The following RABL3 variants were observed in gnomAD, a reference collection of about 807,000 sequenced individuals.
RABL3 encodes the protein rab-like protein 3.
Under a neutral mutation model 31.8 loss-of-function variants are expected in RABL3, and 31 were observed. The observed-to-expected ratio is 0.97, with a 90% CI of 0.73 to 1.31. RABL3 has a LOEUF of 1.31. Among genes scored for constraint, RABL3 ranks in the 40% most tolerant of loss-of-function variants. The pLI is 0.00. For missense variants in RABL3, 263 were observed against 279.6 expected (o/e 0.94, Z 0.42); for synonymous variants, 97 against 99.9 (o/e 0.97, Z 0.18).
intron 2 of RABL3, among the ~76,000 whole-genome samples, chr3:120,727,067 T>TA (rs1007643671): frequency 1.3e-5 from 2 of 151,500 alleles, no homozygotes; most frequent in African/African-American, 2.4e-5. Flanking sequence ...CTTAGAGCTC[T>TA]AAAAAAAAGT....
At chr3:120,742,384 G>A (rs888587325) in intron 1 of RABL3, 78 bp downstream of exon 1, 6 of 1,378,434 alleles carry the variant, frequency 4.4e-6, no homozygotes, top group Non-Finnish European at 6.2e-6. Flanking sequence ...CCAGGAAGTT[G>A]AGGGAAGGAA....
intron 4 of RABL3, among the ~76,000 whole-genome samples, chr3:120,704,130 C>T (rs930807357): frequency 2.0e-5 from 3 of 152,214 alleles, no homozygotes; most frequent in Non-Finnish European, 4.4e-5. Flanking sequence ...CAATGCCTGT[C>T]ATGAACATGG....
intron 6 of RABL3, among the ~76,000 whole-genome samples, chr3:120,691,336 G>C (rs143651190): frequency 0.017 from 2,606 of 152,306 alleles, 29 homozygotes; most frequent in Non-Finnish European, 0.027. Flanking sequence ...AATGGTCTCT[G>C]ATTTAGGATG....
chr3:120,715,554 A>AATG (rs1708659406), intron 2 of RABL3, among the ~76,000 whole-genome samples: 1 of 152,078 alleles, frequency 6.6e-6, no homozygotes, highest in Non-Finnish European at 1.5e-5. Flanking sequence ...TAATAATAAT[A>AATG]ATAAATAAAA....
chr3:120,716,093 G>T (rs1652835448), intron 2 of RABL3, among the ~76,000 whole-genome samples: 1 of 152,066 alleles, frequency 6.6e-6, no homozygotes, highest in Admixed American at 6.5e-5. Context: ...GTCCAAAGAG[G>T]AATTCAATAA....
intron 2 of RABL3, among the ~76,000 whole-genome samples, chr3:120,720,091 C>T (rs1346687390): frequency 1.3e-5 from 2 of 152,204 alleles, no homozygotes; most frequent in African/African-American, 4.8e-5. Context: ...GAGCGGACCT[C>T]CAGCAAACTC....
At position 120,728,608 on chromosome 3, in the gene RABL3, C is replaced by T. The variant is rs563079149; in HGVS notation, c.138+2088G>A. Among the ~76,000 whole-genome samples the T allele has an allele frequency of 6.2e-4, 95 of 152,002 alleles. 2 individuals are homozygous for T. The highest frequency in any genetic ancestry group is 8.3e-4 in the South Asian group (4 of 4,818). On this transcript the variant is annotated intron_variant, in intron 2 of 7. Transcript: ENST00000273375. ...AGGAGATATACCTAATGCTAAATGA[C>T]GAGTTAATGGGTGCAGCACACTAGC... is the stretch of plus-strand genomic sequence containing the variant.
At chr3:120,736,667 G>C (rs1198847671) in intron 1 of RABL3, among the ~76,000 whole-genome samples, 3 of 151,754 alleles carry the variant, frequency 2.0e-5, no homozygotes, top group Admixed American at 6.6e-5. Flanking sequence ...GCAGTGGCTG[G>C]TACCAGTTGT....
At chr3:120,724,312 A>T (rs1041909300) in intron 2 of RABL3, among the ~76,000 whole-genome samples, 9 of 152,298 alleles carry the variant, frequency 5.9e-5, no homozygotes, top group African/African-American at 9.6e-5. Flanking sequence ...ACACAAACAA[A>T]TGGAAGAACA....
rs1708636928 is a variant in RABL3, at chr3:120,713,789, G to A, written c.139-3880C>T. Among the ~76,000 whole-genome samples the A allele has an allele frequency of 2.0e-5, 3 of 147,976 alleles. No homozygotes were observed. In the Admixed American group the frequency reaches 2.0e-4, roughly 10 times the overall value. On this transcript the variant is annotated intron_variant, in intron 2 of 7. Transcript: ENST00000273375. ...CATAAGGTTTTGTTTCATTTGAAGAGTTCATTCATTGTCTGTAACTTTTTT... is the reference window on the plus strand; with the variant it reads ...CATAAGGTTTTGTTTCATTTGAAGAATTCATTCATTGTCTGTAACTTTTTT...
intron 2 of RABL3, among the ~76,000 whole-genome samples, chr3:120,724,021 A>T (rs1322871355): frequency 3.9e-5 from 6 of 152,238 alleles, no homozygotes; most frequent in African/African-American, 1.4e-4. Flanking sequence ...CCCTGTTTGC[A>T]GATGACATGA....
At chr3:120,697,334 G>C (rs1040986676) in intron 5 of RABL3, among the ~76,000 whole-genome samples, 2 of 152,214 alleles carry the variant, frequency 1.3e-5, no homozygotes, top group African/African-American at 4.8e-5. Context: ...TCTTTAAAAA[G>C]AGGATAGTAA....
At chr3:120,742,356 C>T in intron 1 of RABL3, 106 bp downstream of exon 1, 1 of 1,074,036 alleles carries the variant, frequency 9.3e-7, no homozygotes, top group Non-Finnish European at 1.4e-6. Flanking sequence ...GGAGGGACTT[C>T]AGCCACGGGC....
intron 2 of RABL3, among the ~76,000 whole-genome samples, chr3:120,721,641 A>G (rs1708743139): frequency 6.6e-6 from 1 of 152,234 alleles, no homozygotes; most frequent in Non-Finnish European, 1.5e-5. Flanking sequence ...TCCTAAACAT[A>G]TATGCACCCA....
At chr3:120,690,258 A>G (rs1708364308) in intron 7 of RABL3, among the ~76,000 whole-genome samples, 191 bp downstream of exon 7, 1 of 152,070 alleles carries the variant, frequency 6.6e-6, no homozygotes, top group South Asian at 2.1e-4. Context: ...CCTAGATTAT[A>G]TTTGTTTCCT....
chr3:120,721,224 C>T (rs1394966565), intron 2 of RABL3, among the ~76,000 whole-genome samples: 1 of 152,148 alleles, frequency 6.6e-6, no homozygotes, highest in African/African-American at 2.4e-5. Context: ...CCAGCCACTG[C>T]AAAAACATGC....
intron 2 of RABL3, among the ~76,000 whole-genome samples, chr3:120,720,677 G>A (rs1708728280): frequency 3.3e-5 from 5 of 152,150 alleles, no homozygotes; most frequent in Admixed American, 2.0e-4. Flanking sequence ...AAGAAATATG[G>A]GACTACGTGA....
Position 120,689,792 on chromosome 3 carries a change from C to T in RABL3, c.*31G>A, listed in dbSNP as rs1708357780. On this transcript the variant is annotated 3_prime_UTR_variant, in exon 8 of 8. Transcript: ENST00000273375. ...GATGAGCTGTGAAAAACTGCCACTG[C>T]TTGCTCACTCTTCCAAAGGATGAGT... 6.6e-7 allele frequency: 1 copy of T among 1,506,380 alleles called. No individual in the cohort carries two copies. Among genetic ancestry groups the T allele is most frequent in the Non-Finnish European group, 9.2e-7 (1 of 1,083,752 alleles). 93.3% of individuals were successfully genotyped at this position (1,506,380 alleles called of 1,614,324 possible). A position where few individuals can be genotyped will look rare whatever the true frequency, so the allele number is the denominator to read the frequency against.
intron 4 of RABL3, among the ~76,000 whole-genome samples, chr3:120,702,259 T>C (rs372892928): frequency 1.3e-5 from 2 of 152,270 alleles, no homozygotes; most frequent in African/African-American, 4.8e-5. Flanking sequence ...GCAGACAATT[T>C]TTCCATGGAC....
Sources: gnomAD v4.1 joint callset for allele counts (sites outside exome capture counted in the v4.1 genomes callset) on GRCh38, gnomAD v4.1.1 for gene constraint, MANE v1.5 for transcripts, NCBI Gene and HGNC (gene_info 2026-07-23, HGNC 2026-07-21) for gene names.